DHRSX: variants seen among roughly 807,000 people sequenced by gnomAD.
DHRSX encodes the protein polyprenol dehydrogenase.
A neutral mutation model predicts 34.0 loss-of-function variants in DHRSX; 31 were observed. The ratio of observed to expected loss-of-function variants is 0.91; its 90% CI spans 0.69 to 1.23. The LOEUF (loss-of-function observed/expected upper bound fraction) is 1.23, where lower values mean the gene tolerates loss of function less well. DHRSX is among the 50% of genes most tolerant of loss of function. DHRSX has a pLI of 0.00. For missense variants in DHRSX, 414 were observed against 428.1 expected, an observed-to-expected ratio of 0.97 and a Z score of 0.29; for synonymous variants, 201 against 183.8, an observed-to-expected ratio of 1.09 and a Z score of -0.76.
In DHRSX at chrX:2,306,104, G is replaced by C. The variant is rs139295333; in HGVS notation, c.287-14501C>G. 1.4e-3 allele frequency among the ~76,000 whole-genome samples: 208 copies of C among 152,184 alleles called. 4 individuals carry two copies. The East Asian group carries it at 0.034, about 25-fold the overall frequency. ...ATGTACAATCCTGCATATGTACCCG[G>C]AACTTAAAATTTTTAAAAATTACCC... On this transcript the variant is annotated intron_variant, in intron 3 of 6. Coordinates refer to ENST00000334651, the MANE Select transcript of DHRSX (RefSeq NM_145177.3).
At chrX:2,332,112 T>C (rs1335960099) in intron 3 of DHRSX, among the ~76,000 whole-genome samples, 1 of 152,218 alleles carries the variant, frequency 6.6e-6, no homozygotes, top group Non-Finnish European at 1.5e-5. Context: ...ATTCACTAAG[T>C]GCTCAATAAC....
intron 4 of DHRSX, among the ~76,000 whole-genome samples, chrX:2,274,033 T>TTTA (rs760790362): frequency 1.3e-4 from 20 of 152,082 alleles, no homozygotes; most frequent in African/African-American, 3.9e-4. Context: ...TTATTCCTAT[T>TTTA]TTATTATTAT....
intron 3 of DHRSX, among the ~76,000 whole-genome samples, chrX:2,368,492 C>G (rs1165374116): frequency 2.0e-5 from 3 of 152,062 alleles, no homozygotes; most frequent in Non-Finnish European, 2.9e-5. Context: ...GAAGTTCAAA[C>G]AATTGCTAAA....
chrX:2,436,999 A>G (rs2043999783), intron 1 of DHRSX, among the ~76,000 whole-genome samples: 1 of 151,578 alleles, frequency 6.6e-6, no homozygotes, highest in Non-Finnish European at 1.5e-5. Context: ...ACTGCCTTGA[A>G]TCCTTTCTCT....
chrX:2,302,540 A>AG (rs1414205724), intron 3 of DHRSX, among the ~76,000 whole-genome samples: 33 of 152,114 alleles, frequency 2.2e-4, no homozygotes, highest in Non-Finnish European at 3.2e-4. Context: ...TAAACCCGGG[A>AG]GGTGGAGGTT....
intron 3 of DHRSX, among the ~76,000 whole-genome samples, chrX:2,343,295 C>A (rs1192939901): frequency 1.3e-5 from 2 of 152,190 alleles, no homozygotes; most frequent in African/African-American, 4.8e-5. Flanking sequence ...TAAAATAAAC[C>A]TGTGTTTAAC....
In DHRSX at chrX:2,335,579, T is replaced by C. The variant is rs556940659; in HGVS notation, c.287-43976A>G. ...CATTCTCCTGCCTCAGCCTCCCGAG[T>C]AGCCGGGACTACAGGTGCCCGCCAC... On this transcript the variant is annotated intron_variant, in intron 3 of 6. Coordinates refer to ENST00000334651, the MANE Select transcript of DHRSX (RefSeq NM_145177.3). Among the ~76,000 whole-genome samples the C allele has an allele frequency of 6.8e-4, 103 of 151,524 alleles. 2 individuals carry two copies. The South Asian group carries it at 0.02, about 30-fold the overall frequency.
chrX:2,329,496 C>A (rs1195619672), intron 3 of DHRSX, among the ~76,000 whole-genome samples: 2 of 152,046 alleles, frequency 1.3e-5, no homozygotes, highest in African/African-American at 2.4e-5. Flanking sequence ...TAGAAGAGGT[C>A]GAATTTAGAG....
intron 1 of DHRSX, among the ~76,000 whole-genome samples, chrX:2,458,379 C>A (rs1282328544): frequency 2.6e-5 from 4 of 152,168 alleles, no homozygotes. Flanking sequence ...GGCATACCTG[C>A]ACCCCCTGTG....
intron 3 of DHRSX, among the ~76,000 whole-genome samples, chrX:2,297,539 A>T (rs908329816): frequency 6.6e-6 from 1 of 152,156 alleles, no homozygotes; most frequent in Non-Finnish European, 1.5e-5. Context: ...CTTGTATGAA[A>T]ATAGGGTGTT....
At chrX:2,222,050 TG>T (rs2015533044) in intron 6 of DHRSX, among the ~76,000 whole-genome samples, 1 of 152,180 alleles carries the variant, frequency 6.6e-6, no homozygotes, top group Admixed American at 6.5e-5. Flanking sequence ...ATCCACCATG[TG>T]GGGACACAGT....
intron 3 of DHRSX, among the ~76,000 whole-genome samples, chrX:2,313,006 A>G (rs867060551): frequency 2.1e-5 from 3 of 144,174 alleles, no homozygotes. Flanking sequence ...CAAGATATAT[A>G]TTTTTTTTTT....
chrX:2,449,696 TCG>T (rs1266185236), intron 1 of DHRSX, among the ~76,000 whole-genome samples: 2 of 152,100 alleles, frequency 1.3e-5, no homozygotes, highest in African/African-American at 4.8e-5. Flanking sequence ...ACAGCACCTC[TCG>T]CTTGGTTGCC....
chrX:2,290,519 A>C (rs1205296874), intron 4 of DHRSX, among the ~76,000 whole-genome samples: 1 of 152,202 alleles, frequency 6.6e-6, no homozygotes, highest in Non-Finnish European at 1.5e-5. Context: ...GGTAATCACA[A>C]GATCCTTTTG....
chrX:2,387,797 C>T (rs2043288464), intron 3 of DHRSX, among the ~76,000 whole-genome samples: 1 of 151,234 alleles, frequency 6.6e-6, no homozygotes, highest in Admixed American at 6.6e-5. Context: ...ATAGTTAGGA[C>T]CTCAGCCAGC....
Position 2,472,398 on chromosome X carries a change from T to A in DHRSX, c.109+28419A>T, listed in dbSNP as rs374538020. On this transcript the variant is annotated intron_variant, in intron 1 of 6. Transcript: ENST00000334651. ...GATGGTAGTAGGCTTACTACCTGGT[T>A]GATGAATTAATCTGTACACTAAACC... Among the ~76,000 whole-genome samples, 52 of 152,228 alleles carry A rather than the reference T, an allele frequency of 3.4e-4. 1 individual carries two copies. The East Asian group carries it at 3.5e-3, about 10-fold the overall frequency.
At position 2,379,517 on chromosome X, in the gene DHRSX, C is replaced by T. The variant is rs1337914234; in HGVS notation, c.286+29228G>A. On this transcript the variant is annotated intron_variant, in intron 3 of 6. Transcript: ENST00000334651. ...CGGATGATCAATCACGACTGAAATT[C>T]CCCCGTAAAAGACGTGTCCACTCAA... Among the ~76,000 whole-genome samples the T allele has an allele frequency of 1.5e-4, 23 of 151,726 alleles. 1 individual carries two copies. Among genetic ancestry groups the T allele is most frequent in the Admixed American group, 1.5e-3 (23 of 15,186 alleles).
intron 1 of DHRSX, among the ~76,000 whole-genome samples, chrX:2,463,482 C>G (rs946356236): frequency 9.9e-5 from 15 of 151,262 alleles, no homozygotes; most frequent in Non-Finnish European, 2.2e-4. Flanking sequence ...CACTAGAGGT[C>G]TCTGATGCGA....
chrX:2,482,189 G>A (rs2044784889), intron 1 of DHRSX, among the ~76,000 whole-genome samples: 1 of 151,130 alleles, frequency 6.6e-6, no homozygotes, highest in Non-Finnish European at 1.5e-5. Context: ...GAGTGCAGTG[G>A]TGCGATCACA....
Sources: allele counts gnomAD v4.1 joint callset (sites outside exome capture counted in the v4.1 genomes callset), GRCh38; gene constraint gnomAD v4.1.1; transcripts MANE v1.5; gene names NCBI Gene and HGNC (gene_info 2026-07-23, HGNC 2026-07-21).